PKP4: variants seen among roughly 807,000 people sequenced by gnomAD.
PKP4 encodes plakophilin-4.
PKP4 carries 90 observed loss-of-function variants against 145.1 expected under a neutral mutation model. The ratio of observed to expected loss-of-function variants is 0.62; its 90% CI spans 0.52 to 0.74. PKP4 has a LOEUF of 0.74. Among genes scored for constraint, PKP4 ranks in the 30% least tolerant of loss-of-function variants. The pLI, the probability that PKP4 is intolerant of heterozygous loss-of-function variation, is 0.00. For missense variants in PKP4, 1,340 were observed against 1,482.7 expected, an observed-to-expected ratio of 0.90 and a Z score of 1.58; for synonymous variants, 563 against 577.2, an observed-to-expected ratio of 0.98 and a Z score of 0.35.
At chr2:158,478,965 C>T (rs1008587730) in intron 1 of PKP4, among the ~76,000 whole-genome samples, 1 of 152,104 alleles carries the variant, frequency 6.6e-6, no homozygotes, top group South Asian at 2.1e-4. Context: ...TTATGATTTC[C>T]TGTCACATTT....
At chr2:158,473,785 C>T (rs1691996029) in intron 1 of PKP4, among the ~76,000 whole-genome samples, 1 of 152,080 alleles carries the variant, frequency 6.6e-6, no homozygotes, top group Non-Finnish European at 1.5e-5. Flanking sequence ...TTCACATGTA[C>T]CCCTGAACCT....
At chr2:158,545,825 CTTTTG>C (rs1239613142) in intron 2 of PKP4, among the ~76,000 whole-genome samples, 1 of 152,060 alleles carries the variant, frequency 6.6e-6, no homozygotes, top group African/African-American at 2.4e-5. Flanking sequence ...ATTATGATTA[CTTTTG>C]TTATGTAATT....
chr2:158,485,539 G>A (rs1694042360), intron 1 of PKP4, among the ~76,000 whole-genome samples: 1 of 152,196 alleles, frequency 6.6e-6, no homozygotes, highest in Admixed American at 6.5e-5. Context: ...AACCGTGCAT[G>A]TTTAGAGCCC....
intron 3 of PKP4, among the ~76,000 whole-genome samples, chr2:158,595,669 A>C (rs2049665056): frequency 6.6e-6 from 1 of 152,232 alleles, no homozygotes; most frequent in Admixed American, 6.5e-5. Context: ...TCATAATTGA[A>C]GATTTCATTT....
intron 1 of PKP4, among the ~76,000 whole-genome samples, chr2:158,483,593 G>T (rs908007946): frequency 6.6e-6 from 1 of 151,956 alleles, no homozygotes; most frequent in African/African-American, 2.4e-5. Flanking sequence ...AGCTTTTTGT[G>T]TATTAAATGG....
chr2:158,639,849 A>G (rs1179987961), intron 9 of PKP4, among the ~76,000 whole-genome samples: 2 of 152,226 alleles, frequency 1.3e-5, no homozygotes, highest in Non-Finnish European at 2.9e-5. Context: ...CCACGTGGCC[A>G]GGCGCATGGC....
intron 1 of PKP4, among the ~76,000 whole-genome samples, chr2:158,460,606 ATC>A (rs1339351946): frequency 6.6e-6 from 1 of 152,194 alleles, no homozygotes; most frequent in African/African-American, 2.4e-5. Flanking sequence ...ATGCTCTGTA[ATC>A]TAATGTGTTT....
In PKP4 at chr2:158,558,575, T is replaced by C. The variant is rs547108402; in HGVS notation, c.133-18696T>C. Among the ~76,000 whole-genome samples, 11 of 151,788 alleles carry C rather than the reference T, an allele frequency of 7.2e-5. 3 individuals carry two copies. Among genetic ancestry groups the C allele is most frequent in the African/African-American group, 2.7e-4 (11 of 41,386 alleles). ...GCCACCAAGAAATGGTTAGTAACCT[T>C]GGAGAGAACAGTTGGTACAGAGTTT... On this transcript the variant is annotated intron_variant, in intron 2 of 21. Coordinates refer to ENST00000389759, the MANE Select transcript of PKP4 (RefSeq NM_003628.6).
intron 9 of PKP4, among the ~76,000 whole-genome samples, chr2:158,636,662 T>G (rs1362231038): frequency 6.6e-6 from 1 of 152,146 alleles, no homozygotes; most frequent in African/African-American, 2.4e-5. Flanking sequence ...TAGGATCACT[T>G]TATTATTTTG....
intron 1 of PKP4, among the ~76,000 whole-genome samples, chr2:158,494,739 C>T (rs1436527576): frequency 1.3e-5 from 2 of 152,194 alleles, no homozygotes; most frequent in South Asian, 2.1e-4. Flanking sequence ...TTTAGTTTTG[C>T]TATTTGCTTG....
At chr2:158,601,332 AGT>A (rs1437021646) in intron 3 of PKP4, among the ~76,000 whole-genome samples, 9 of 152,188 alleles carry the variant, frequency 5.9e-5, no homozygotes, top group African/African-American at 1.9e-4. Context: ...TCCGGATGGC[AGT>A]TTGATTTACC....
chr2:158,622,886 C>G (rs2052388959), intron 6 of PKP4, among the ~76,000 whole-genome samples: 1 of 152,144 alleles, frequency 6.6e-6, no homozygotes, highest in Non-Finnish European at 1.5e-5. Context: ...GTCAGCAGGT[C>G]TGAAATCACA....
At chr2:158,652,280 G>A (rs1030519945) in intron 11 of PKP4, among the ~76,000 whole-genome samples, 1 of 152,160 alleles carries the variant, frequency 6.6e-6, no homozygotes, top group Non-Finnish European at 1.5e-5. Flanking sequence ...GTGGCTGATG[G>A]CCACCGTATG....
At chr2:158,532,368 A>G (rs1379003509) in intron 1 of PKP4, among the ~76,000 whole-genome samples, 1 of 152,194 alleles carries the variant, frequency 6.6e-6, no homozygotes, top group Non-Finnish European at 1.5e-5. Flanking sequence ...TCATGTATTC[A>G]TTTATTTAGC....
intron 3 of PKP4, among the ~76,000 whole-genome samples, chr2:158,601,347 G>A (rs2050212581): frequency 1.3e-5 from 2 of 152,254 alleles, no homozygotes; most frequent in African/African-American, 2.4e-5. Flanking sequence ...GATTTACCAT[G>A]TATTTTAATA....
In PKP4 at chr2:158,577,266, C is replaced by A. The variant is rs771051918; in HGVS notation, c.133-5C>A. 4.4e-6 allele frequency: 7 copies of A among 1,602,218 alleles called. No homozygotes were observed. Among genetic ancestry groups the A allele is most frequent in the Non-Finnish European group, 6.0e-6 (7 of 1,171,116 alleles). On this transcript the variant is annotated splice_polypyrimidine_tract_variant and splice_region_variant and intron_variant, in intron 2 of 21. Coordinates refer to ENST00000389759, the MANE Select transcript of PKP4 (RefSeq NM_003628.6). ...TTATATGCCTTTTATTTTCTTGAAT[C>A]ACAGGAGCTTCAGTTTCAGCGACTC...
intron 2 of PKP4, among the ~76,000 whole-genome samples, chr2:158,575,330 T>C (rs3755408): frequency 0.52 from 78,243 of 151,902 alleles, 20,518 homozygotes; most frequent in South Asian, 0.69. Context: ...ATGAGTGTAC[T>C]TTCTTGGCAG....
At chr2:158,601,854 A>G (rs918234924) in intron 3 of PKP4, among the ~76,000 whole-genome samples, 1 of 152,168 alleles carries the variant, frequency 6.6e-6, no homozygotes, top group African/African-American at 2.4e-5. Context: ...GAAAGTATCA[A>G]GGGGGTAATA....
chr2:158,642,789 G>A, intron 11 of PKP4, 90 bp downstream of exon 11: 1 of 900,190 alleles, frequency 1.1e-6, no homozygotes, highest in Non-Finnish European at 1.7e-6. Flanking sequence ...AAGAGTTGGA[G>A]GTTCCAGGTA....
Sources: allele counts gnomAD v4.1 joint callset (sites outside exome capture counted in the v4.1 genomes callset), GRCh38; gene constraint gnomAD v4.1.1; transcripts MANE v1.5; gene names NCBI Gene and HGNC (gene_info 2026-07-23, HGNC 2026-07-21).